Variants in PDZRN3 observed in about 807,000 individuals in gnomAD.
PDZRN3 encodes the protein PDZ domain containing ring finger 3.
In PDZRN3, 38 loss-of-function variants were observed where a neutral mutation model predicts 85.7. The observed-to-expected ratio is 0.44, with a 90% CI of 0.34 to 0.58. PDZRN3 has a LOEUF of 0.58. Among genes scored for constraint, PDZRN3 ranks in the 20% least tolerant of loss-of-function variants. The probability of loss-of-function intolerance (pLI) is 0.01; values close to 1 mark genes in which losing one functional copy is unlikely to be tolerated. For synonymous variants in PDZRN3, 759 were observed against 638.0 expected (o/e 1.19, Z -2.86); for missense variants, 1,629 against 1,506.4 (o/e 1.08, Z -1.35).
At chr3:73,513,696 A>T (rs1356870587) in intron 3 of PDZRN3, among the ~76,000 whole-genome samples, 2 of 152,210 alleles carry the variant, frequency 1.3e-5, no homozygotes, top group Admixed American at 1.3e-4. Flanking sequence ...CAATTTTCTC[A>T]GACTTTTGAA....
chr3:73,552,211 G>A (rs534038613), intron 3 of PDZRN3, among the ~76,000 whole-genome samples: 6 of 144,802 alleles, frequency 4.1e-5, no homozygotes, highest in African/African-American at 1.0e-4. Flanking sequence ...TAGGTTTCAC[G>A]TGGGAATTAA....
chr3:73,592,410 G>T (rs1290287418), intron 3 of PDZRN3, among the ~76,000 whole-genome samples: 1 of 151,584 alleles, frequency 6.6e-6, no homozygotes, highest in African/African-American at 2.4e-5. Flanking sequence ...AACACTCTTA[G>T]GCTTTGAGTT....
chr3:73,570,598 T>C (rs558468512), intron 3 of PDZRN3, among the ~76,000 whole-genome samples: 3 of 152,254 alleles, frequency 2.0e-5, no homozygotes, highest in African/African-American at 7.2e-5. Flanking sequence ...TCTAAGATAA[T>C]CTATTGCTCC....
intron 1 of PDZRN3, among the ~76,000 whole-genome samples, chr3:73,620,108 A>G (rs558509687): frequency 1.3e-5 from 2 of 152,248 alleles, no homozygotes; most frequent in East Asian, 3.9e-4. Flanking sequence ...CACCAACAAC[A>G]CACCCACACC....
Position 73,383,832 on chromosome 3 carries a change from G to C in PDZRN3, c.2734C>G (p.Pro912Ala). Residue 912 changes from proline (P) to alanine (A), a missense_variant, in exon 10 of 10, where the codon CCC (proline) becomes GCC (alanine). Coordinates refer to ENST00000263666, the MANE Select transcript of PDZRN3 (RefSeq NM_015009.3). ...TCCATGCGCGGCTCCGACGGGGTGG[G>C]AGAGCTCAGGTCCTTGCACATGCTC... ...LVSMCKDLSS[P>A]TPSEPRMEWK... 6.2e-7 allele frequency: 1 copy of C among 1,613,606 alleles called. No individual in the cohort carries two copies. The highest frequency in any genetic ancestry group is 8.5e-7 in the Non-Finnish European group (1 of 1,179,804).
At chr3:73,589,465 A>G (rs1166434420) in intron 3 of PDZRN3, among the ~76,000 whole-genome samples, 1 of 152,238 alleles carries the variant, frequency 6.6e-6, no homozygotes, top group African/African-American at 2.4e-5. Flanking sequence ...AAATAGAAAT[A>G]GCAATTTCCT....
intron 3 of PDZRN3, among the ~76,000 whole-genome samples, chr3:73,541,292 T>G (rs1454810672): frequency 6.6e-6 from 1 of 152,214 alleles, no homozygotes; most frequent in African/African-American, 2.4e-5. Flanking sequence ...AATTTAAGAC[T>G]ATGAAGAAAA....
chr3:73,544,255 C>T (rs897481655), intron 3 of PDZRN3, among the ~76,000 whole-genome samples: 3 of 152,174 alleles, frequency 2.0e-5, no homozygotes, highest in East Asian at 1.9e-4. Flanking sequence ...AACCCCACAC[C>T]GTTGGTGTGT....
intron 3 of PDZRN3, among the ~76,000 whole-genome samples, chr3:73,544,220 TA>T (rs1178929706): frequency 6.6e-6 from 1 of 152,196 alleles, no homozygotes; most frequent in Non-Finnish European, 1.5e-5. Context: ...ACAAAGGAAC[TA>T]GTTAAAGTTT....
intron 2 of PDZRN3, among the ~76,000 whole-genome samples, chr3:73,607,512 C>G (rs541032102): frequency 6.6e-6 from 1 of 152,200 alleles, no homozygotes; most frequent in Non-Finnish European, 1.5e-5. Context: ...TCATCAGTCT[C>G]TCCATCTGGA....
intron 5 of PDZRN3, among the ~76,000 whole-genome samples, chr3:73,396,711 A>G (rs1238749419): frequency 1.3e-5 from 2 of 152,220 alleles, no homozygotes; most frequent in African/African-American, 4.8e-5. Flanking sequence ...AGAATACAAT[A>G]CAGGTGACAG....
Position 73,520,429 on chromosome 3 carries a change from G to A in PDZRN3, c.918+81925C>T, listed in dbSNP as rs147807843. On this transcript the variant is annotated intron_variant, in intron 3 of 9. Coordinates refer to ENST00000263666, the MANE Select transcript of PDZRN3 (RefSeq NM_015009.3). The stretch of plus-strand genomic sequence containing the variant: ...TGAGGCAGGAGGAACGCTTGAGCCC[G>A]GGAAGCTAAGGCTGCAGTGAGCCGA... Among the ~76,000 whole-genome samples the A allele has an allele frequency of 4.5e-3, 676 of 151,750 alleles. 4 individuals are homozygous for A. The highest frequency in any genetic ancestry group is 7.4e-3 in the Non-Finnish European group (505 of 67,904).
In PDZRN3 at chr3:73,384,165, A is replaced by G. The variant is rs575987318; in HGVS notation, c.2401T>C (p.Tyr801His). 4 of 1,614,034 alleles carry G rather than the reference A, an allele frequency of 2.5e-6. No homozygotes were observed. The South Asian group carries it at 4.4e-5, about 18-fold the overall frequency. The change falls in exon 10 of 10, where the codon TAC (tyrosine) becomes CAC (histidine). Residue 801 changes from tyrosine (Y) to histidine (H), a missense_variant. By Grantham distance (83) the Tyr-to-His change is moderately conservative. Transcript: ENST00000263666. ...AGCAGATTCTTGGAGGCTGGCCCGT[A>G]GGCTTCCGTGGTCCCCACAGCCCCT... ...SEGAVGTTEA[Y>H]GPASKNLLSI...
intron 3 of PDZRN3, chr3:73,569,592 G>T: frequency 9.8e-7 from 1 of 1,018,580 alleles, no homozygotes; most frequent in Non-Finnish European, 1.2e-6. Flanking sequence ...ACAGAGGACA[G>T]ACAGCCCTGT....
intron 3 of PDZRN3, among the ~76,000 whole-genome samples, chr3:73,432,926 C>A (rs1702461094): frequency 6.6e-6 from 1 of 152,086 alleles, no homozygotes; most frequent in Admixed American, 6.5e-5. Flanking sequence ...AAGAGTAGGA[C>A]TTGAATATTT....
intron 4 of PDZRN3, among the ~76,000 whole-genome samples, chr3:73,403,068 C>T (rs1038279378): frequency 5.9e-5 from 9 of 151,856 alleles, no homozygotes; most frequent in Admixed American, 1.3e-4. Flanking sequence ...CTCAGCCTCC[C>T]GAGTAGCTGG....
In PDZRN3 at chr3:73,624,092, C is replaced by T; in HGVS notation, c.723+11G>A. 1 of 1,434,930 alleles carries T rather than the reference C, an allele frequency of 7.0e-7. No homozygotes were observed. The highest frequency in any genetic ancestry group is 1.4e-5 in the South Asian group (1 of 70,100). The allele number at this position is 1,434,930 out of a possible 1,614,324, so 88.9% of individuals were successfully genotyped here. ...CCTGGCTGGAGGTCGGGGCGGGCAG[C>T]AGGCGCCTACCTTGCCGCCGGGCGG... is the stretch of plus-strand genomic sequence containing the variant. On this transcript the variant is annotated intron_variant, in intron 1 of 9. Transcript: ENST00000263666.
chr3:73,464,690 A>T (rs1450739801), intron 3 of PDZRN3, among the ~76,000 whole-genome samples: 1 of 152,174 alleles, frequency 6.6e-6, no homozygotes, highest in Non-Finnish European at 1.5e-5. Context: ...AAAGAAAAAA[A>T]GGTGTCTCTT....
chr3:73,469,715 TC>T (rs922468422), intron 3 of PDZRN3, among the ~76,000 whole-genome samples: 4 of 152,214 alleles, frequency 2.6e-5, no homozygotes, highest in East Asian at 1.9e-4. Flanking sequence ...GGTTTTTTTT[TC>T]ATAACATTAG....
Sources: gnomAD v4.1 joint callset for allele counts (sites outside exome capture counted in the v4.1 genomes callset) on GRCh38, gnomAD v4.1.1 for gene constraint, MANE v1.5 for transcripts, NCBI Gene and HGNC (gene_info 2026-07-23, HGNC 2026-07-21) for gene names.